The following NSF variants were observed in gnomAD, a reference collection of about 807,000 sequenced individuals.
NSF encodes the protein vesicle-fusing ATPase.
NSF carries 14 observed loss-of-function variants against 50.3 expected under a neutral mutation model. The ratio of observed to expected loss-of-function variants is 0.28; its 90% confidence interval spans 0.18 to 0.44. The LOEUF (loss-of-function observed/expected upper bound fraction) is 0.44. Ranked by LOEUF, NSF falls within the 20% of genes least tolerant of loss-of-function variation. The probability of loss-of-function intolerance (pLI) is 1.00; values close to 1 mark genes in which losing one functional copy is unlikely to be tolerated. For missense variants in NSF, 218 were observed against 504.3 expected (o/e 0.43, Z 5.44); for synonymous variants, 109 against 175.7 (o/e 0.62, Z 3.00).
intron 20 of NSF, 155 bp from the exon 21 acceptor site, chr17:46,755,647 T>C (rs995161059): frequency 2.1e-5 from 17 of 809,274 alleles, no homozygotes; most frequent in Non-Finnish European, 3.3e-5. Flanking sequence ...TGTGACCATT[T>C]TCTTTTGTGA....
intron 17 of NSF, among the ~76,000 whole-genome samples, chr17:46,743,324 A>G (rs1459525819): frequency 6.6e-6 from 1 of 152,166 alleles, no homozygotes; most frequent in South Asian, 2.1e-4. Context: ...GCAGAGGACT[A>G]TTCTTCAGGT....
At position 46,713,970 on chromosome 17, in the gene NSF, G is replaced by A; in HGVS notation, c.1745G>A (p.Cys582Tyr). The A allele has an allele frequency of 6.2e-7, 1 of 1,604,440 alleles. No homozygotes were observed. Among genetic ancestry groups the A allele is most frequent in the Non-Finnish European group, 8.5e-7 (1 of 1,177,782 alleles). ...ATTGGCTTTTCTGAAACAGCCAAAT[G>A]TCAGGCCATGAAGAAGGTATCAAGA... is the stretch of plus-strand genomic sequence containing the variant. Reference protein sequence around the residue: ...KMIGFSETAKCQAMKKIFDDA... With the variant: ...KMIGFSETAKYQAMKKIFDDA... Residue 582 changes from cysteine to tyrosine, a missense_variant, in exon 15 of 21, where the codon TGT becomes TAT. Cys to Tyr is a radical substitution (Grantham distance 194). Around this residue, in one of 2 missense-constraint regions of NSF, gnomAD observed 209 missense variants for 320.9 expected, o/e 0.65. Transcript: ENST00000398238.
chr17:46,681,659 A>G (rs1264112456), intron 9 of NSF, among the ~76,000 whole-genome samples: 4 of 124,410 alleles, frequency 3.2e-5, no homozygotes, highest in Non-Finnish European at 6.5e-5. Context: ...CTTTATAGCA[A>G]TCCTCTTAGT....
intron 17 of NSF, among the ~76,000 whole-genome samples, chr17:46,738,827 C>T (rs191536699): frequency 2.1e-3 from 324 of 152,346 alleles, no homozygotes; most frequent in Middle Eastern, 6.8e-3. Flanking sequence ...TGTGGTTGGG[C>T]GCAGTGGCTT....
At chr17:46,721,741 C>A in intron 15 of NSF, 1 of 1,605,358 alleles carries the variant, frequency 6.2e-7, no homozygotes, top group South Asian at 1.1e-5. Flanking sequence ...CGGGGATTCT[C>A]TTGCCCACAA....
Position 46,729,555 on chromosome 17 carries a change from A to G in NSF, c.1908+621A>G, listed in dbSNP as rs2058928210. ...CTATGAAGGTTGGTTAAATATGTTA[A>G]ATTATGTAGAGGCTGCCAGAGCATG... On this transcript the variant is annotated intron_variant, in intron 17 of 20. Transcript: ENST00000398238. Among the ~76,000 whole-genome samples the G allele has an allele frequency of 8.8e-3, 3 of 342 alleles. No individual in the cohort carries two copies. The East Asian group carries it at 0.3, about 34-fold the overall frequency. 0.2% of individuals were successfully genotyped at this position (342 alleles called of 152,430 possible). A position where few individuals can be genotyped will look rare whatever the true frequency, so the allele number is the denominator to read the frequency against.
chr17:46,707,827 T>C (rs2058671266), intron 13 of NSF, among the ~76,000 whole-genome samples: 1 of 151,318 alleles, frequency 6.6e-6, no homozygotes, highest in Non-Finnish European at 1.5e-5. Flanking sequence ...AAGTCAGGAG[T>C]TCAAAACTAG....
chr17:46,709,797 G>T (rs902396155), intron 13 of NSF, among the ~76,000 whole-genome samples: 1 of 152,110 alleles, frequency 6.6e-6, no homozygotes, highest in Non-Finnish European at 1.5e-5. Flanking sequence ...GCCCGGCCAT[G>T]AAAATTTCTT....
chr17:46,707,688 A>G (rs774851848), intron 13 of NSF, among the ~76,000 whole-genome samples: 27 of 152,136 alleles, frequency 1.8e-4, no homozygotes, highest in Non-Finnish European at 3.1e-4. Context: ...TCAAGGGTCA[A>G]CCATCTTGCA....
intron 5 of NSF, among the ~76,000 whole-genome samples, chr17:46,638,573 C>T (rs2058204169): frequency 2.8e-5 from 3 of 105,452 alleles, no homozygotes; most frequent in African/African-American, 1.3e-4. Context: ...GATGGGGTTT[C>T]ACCATGTTAA....
At chr17:46,657,512 A>T (rs1397298624) in intron 8 of NSF, among the ~76,000 whole-genome samples, 1 of 138,610 alleles carries the variant, frequency 7.2e-6, no homozygotes, top group Non-Finnish European at 1.6e-5. Context: ...TTTTCAGAAT[A>T]GTCACCTTAT....
intron 9 of NSF, among the ~76,000 whole-genome samples, chr17:46,678,383 A>C (rs1268155079): frequency 8.8e-6 from 1 of 113,882 alleles, no homozygotes; most frequent in Non-Finnish European, 1.8e-5. Context: ...CAAGTGAATG[A>C]GTTTAAATAG....
intron 9 of NSF, among the ~76,000 whole-genome samples, chr17:46,687,479 T>C (rs62074078): frequency 0.12 from 18,064 of 144,798 alleles, no homozygotes; most frequent in Middle Eastern, 0.19. Flanking sequence ...TTTTCTTCAC[T>C]GTCAGTCTTC....
At chr17:46,728,968 C>CA (rs752025843) in intron 17 of NSF, 34 bp downstream of exon 17, 1 of 1,309,198 alleles carries the variant, frequency 7.6e-7, no homozygotes, top group Non-Finnish European at 1.1e-6. Flanking sequence ...AATATTTTAA[C>CA]AAAGAGTTTT....
At chr17:46,749,279 G>A (rs137912058) in intron 17 of NSF, among the ~76,000 whole-genome samples, 85 of 152,268 alleles carry the variant, frequency 5.6e-4, no homozygotes, top group Non-Finnish European at 5.7e-4. Context: ...AATATTAAAT[G>A]TGACAATTAT....
chr17:46,638,365 A>T (rs1316579405), intron 5 of NSF, among the ~76,000 whole-genome samples: 1 of 19,750 alleles, frequency 5.1e-5, no homozygotes, highest in African/African-American at 3.0e-4. Flanking sequence ...TTTATTTTTT[A>T]AAATTTTATT....
At position 46,610,041 on chromosome 17, in the gene NSF, C is replaced by CTCTCTTTCTTTCTT. The variant is rs545055767; in HGVS notation, c.13-14200_13-14199insCTTTCTTTCTTTCT. On this transcript the variant is annotated intron_variant, in intron 1 of 20. Transcript: ENST00000398238. ...TCTTTCTTTCTTTCTCTCTCTCTCT[C>CTCTCTTTCTTTCTT]TCTTTCTTTCTTTCTTTCTTTCTTT... Among the ~76,000 whole-genome samples, 100 of 118,706 alleles carry CTCTCTTTCTTTCTT rather than the reference C, an allele frequency of 8.4e-4. 4 individuals are homozygous for CTCTCTTTCTTTCTT. The highest frequency in any genetic ancestry group is 2.3e-3 in the African/African-American group (73 of 32,404). The allele number at this position is 118,706 out of a possible 152,430, so 77.9% of individuals were successfully genotyped here. A position where few individuals can be genotyped will look rare whatever the true frequency, so the allele number is the denominator to read the frequency against.
chr17:46,745,490 A>G (rs781145639), intron 17 of NSF, among the ~76,000 whole-genome samples: 8 of 152,184 alleles, frequency 5.3e-5, no homozygotes, highest in Non-Finnish European at 1.2e-4. Context: ...ATCTTTCAAC[A>G]CTTTGAAGAG....
chr17:46,605,657 A>G (rs1202256921), intron 1 of NSF, among the ~76,000 whole-genome samples: 64 of 72,056 alleles, frequency 8.9e-4, no homozygotes, highest in Non-Finnish European at 1.1e-3. Context: ...CAAACACTCA[A>G]TGTTGTAACC....
Sources: allele counts gnomAD v4.1 joint callset (sites outside exome capture counted in the v4.1 genomes callset), GRCh38; gene constraint gnomAD v4.1.1; regional missense constraint gnomAD v4.1.1; transcripts MANE v1.5; gene names NCBI Gene and HGNC (gene_info 2026-07-23, HGNC 2026-07-21).